The following RERE variants were observed in gnomAD, a reference collection of about 807,000 sequenced individuals.
RERE encodes arginine-glutamic acid dipeptide repeats.
A neutral mutation model predicts 146.1 loss-of-function variants in RERE; 40 were observed. The ratio of observed to expected loss-of-function variants is 0.27; its 90% confidence interval spans 0.21 to 0.36. The LOEUF (loss-of-function observed/expected upper bound fraction) is 0.36, where lower values mean the gene tolerates loss of function less well. Among genes scored for constraint, RERE ranks in the 10% least tolerant of loss-of-function variants. The pLI is 1.00. For missense variants in RERE, 1,933 were observed against 2,138.7 expected (o/e 0.90, Z 1.90); for synonymous variants, 1,003 against 866.0 (o/e 1.16, Z -2.78).
chr1:8,458,512 T>C (rs1644481806), intron 11 of RERE, among the ~76,000 whole-genome samples: 2 of 152,228 alleles, frequency 1.3e-5, no homozygotes, highest in East Asian at 3.8e-4. Context: ...TTATATTCAA[T>C]GTGGGGTTAC....
intron 11 of RERE, among the ~76,000 whole-genome samples, chr1:8,447,756 A>C (rs564173604): frequency 2.0e-5 from 3 of 152,330 alleles, no homozygotes; most frequent in African/African-American, 7.2e-5. Flanking sequence ...CCGTGTATGC[A>C]ATGGACACAG....
chr1:8,557,506 G>C lies in RERE; in HGVS notation c.540C>G (p.Leu180=). 1 of 1,611,520 alleles carries C rather than the reference G, an allele frequency of 6.2e-7. No individual in the cohort carries two copies. The highest frequency in any genetic ancestry group is 8.5e-7 in the Non-Finnish European group (1 of 1,177,606). ...RGPVGSKRDH[L]LMNVKWYYRQ... ...GGTAGTACCATTTGACGTTCATGAG[G>C]AGATGGTCCCTCTTACTCTGAAAAG... The change falls in exon 5 of 23, where the codon CTC becomes CTG. Residue 180 remains leucine, a synonymous_variant. Coordinates refer to ENST00000400908, the MANE Select transcript of RERE (RefSeq NM_001042681.2).
chr1:8,389,874 C>T (rs1218490047), intron 12 of RERE, among the ~76,000 whole-genome samples: 2 of 152,204 alleles, frequency 1.3e-5, no homozygotes, highest in Non-Finnish European at 2.9e-5. Flanking sequence ...AACGCATCCA[C>T]TTCTGCAAAC....
At chr1:8,473,909 C>CA (rs1644722235) in intron 10 of RERE, among the ~76,000 whole-genome samples, 1 of 152,168 alleles carries the variant, frequency 6.6e-6, no homozygotes, top group African/African-American at 2.4e-5. Context: ...TAACACTATT[C>CA]AAACAAGAGG....
chr1:8,381,314 A>C (rs1642448429), intron 12 of RERE, among the ~76,000 whole-genome samples: 1 of 152,166 alleles, frequency 6.6e-6, no homozygotes, highest in Non-Finnish European at 1.5e-5. Context: ...TAAACCTTGT[A>C]ACCTGCGCAA....
chr1:8,811,906 C>T (rs7546225), intron 1 of RERE, among the ~76,000 whole-genome samples: 44,035 of 152,036 alleles, frequency 0.29, 6,761 homozygotes, highest in Non-Finnish European at 0.32. Flanking sequence ...TAGGGTAAGG[C>T]GCCACAAACT....
intron 12 of RERE, among the ~76,000 whole-genome samples, chr1:8,384,101 A>G (rs1475088241): frequency 6.6e-6 from 1 of 152,108 alleles, no homozygotes; most frequent in Non-Finnish European, 1.5e-5. Flanking sequence ...GAGCATAGGG[A>G]ACAGGTTGTA....
At chr1:8,505,598 G>A (rs1024055988) in intron 8 of RERE, among the ~76,000 whole-genome samples, 2 of 151,878 alleles carry the variant, frequency 1.3e-5, no homozygotes, top group African/African-American at 4.8e-5. Context: ...TGGTGTGATC[G>A]TGGCTCAGTG....
intron 7 of RERE, among the ~76,000 whole-genome samples, chr1:8,510,772 A>AGCCC (rs70982787): frequency 0.25 from 38,341 of 151,940 alleles, 6,008 homozygotes; most frequent in East Asian, 0.76. Context: ...CTTCAGCCAC[A>AGCCC]GCCCATTCAG....
intron 12 of RERE, chr1:8,380,661 T>C (rs1557599970): frequency 8.3e-6 from 3 of 362,014 alleles, no homozygotes; most frequent in Non-Finnish European, 1.6e-5. Flanking sequence ...AAGAGCTTTT[T>C]TAAAAGCTTG....
intron 11 of RERE, 51 bp downstream of exon 11, chr1:8,465,874 G>C (rs985643864): frequency 6.7e-7 from 1 of 1,494,046 alleles, no homozygotes; most frequent in Non-Finnish European, 9.3e-7. Flanking sequence ...ACACTGAGAC[G>C]CCGGTGGCCC....
intron 10 of RERE, among the ~76,000 whole-genome samples, chr1:8,469,956 GCATTCCTACTTCCTTC>G (rs138564211): frequency 0.013 from 2,016 of 152,218 alleles, 45 homozygotes; most frequent in African/African-American, 0.047. Flanking sequence ...ACAAGTCCTG[GCATTCCTACTTCCTTC>G]ACAAAACTTT....
At chr1:8,773,734 G>A (rs1641002420) in intron 1 of RERE, among the ~76,000 whole-genome samples, 1 of 152,202 alleles carries the variant, frequency 6.6e-6, no homozygotes, top group Admixed American at 6.5e-5. Flanking sequence ...TGAGGCAGGA[G>A]AATCGCTTGA....
intron 12 of RERE, among the ~76,000 whole-genome samples, chr1:8,396,770 G>A (rs190674975): frequency 1.3e-5 from 2 of 152,182 alleles, no homozygotes; most frequent in East Asian, 3.9e-4. Flanking sequence ...ATTCCAAAAC[G>A]CTTTCATCAT....
intron 2 of RERE, among the ~76,000 whole-genome samples, chr1:8,652,535 G>C (rs1423331888): frequency 6.6e-6 from 1 of 152,186 alleles, no homozygotes. Context: ...AAAGGACAGA[G>C]GTTTAATTGA....
intron 1 of RERE, among the ~76,000 whole-genome samples, chr1:8,668,128 C>A (rs11121213): frequency 0.16 from 24,284 of 152,244 alleles, 2,332 homozygotes; most frequent in Middle Eastern, 0.26. Flanking sequence ...ATCTGTGTTG[C>A]TTCATGCAAA....
At chr1:8,435,308 T>C (rs1320026760) in intron 11 of RERE, among the ~76,000 whole-genome samples, 1 of 152,190 alleles carries the variant, frequency 6.6e-6, no homozygotes, top group Non-Finnish European at 1.5e-5. Context: ...TGTTCACTAT[T>C]ATATCCCCAG....
In RERE at chr1:8,359,813, T is replaced by G. The variant is rs376434590; in HGVS notation, c.3569A>C (p.Lys1190Thr). 7 of 1,592,818 alleles carry G rather than the reference T, an allele frequency of 4.4e-6. No individual in the cohort carries two copies. Among genetic ancestry groups the G allele is most frequent in the Non-Finnish European group, 6.0e-6 (7 of 1,170,098 alleles). Residue 1190 changes from lysine to threonine, a missense_variant, in exon 19 of 23, where the codon AAG (lysine) becomes ACG (threonine). This residue lies in a region of RERE where 1,255 missense variants were observed against 1,153.8 expected (regional missense o/e 1.09). Transcript: ENST00000400908. ...CCGCTCTCGCTCCCGCTCCCGCTCC[T>G]TCTCCTTCTCCTTCTCCCGCTCTCG... Reference protein sequence around the residue: ...EEREREKEKEKERERERERER... With the variant: ...EEREREKEKETERERERERER...
intron 1 of RERE, among the ~76,000 whole-genome samples, chr1:8,683,685 G>T (rs1639024871): frequency 6.6e-6 from 1 of 152,206 alleles, no homozygotes; most frequent in East Asian, 1.9e-4. Flanking sequence ...GCTCAGGTCT[G>T]TAAACCCAGC....
Sources: allele counts gnomAD v4.1 joint callset (sites outside exome capture counted in the v4.1 genomes callset), GRCh38; gene constraint gnomAD v4.1.1; regional missense constraint gnomAD v4.1.1; transcripts MANE v1.5; gene names NCBI Gene and HGNC (gene_info 2026-07-23, HGNC 2026-07-21).